NRXN2: variants seen among roughly 807,000 people sequenced by gnomAD.
NRXN2 encodes the protein neurexin 2.
Under a neutral mutation model 128.8 loss-of-function variants are expected in NRXN2, and 29 were observed. The ratio of observed to expected loss-of-function variants is 0.23; its 90% CI spans 0.17 to 0.31. The LOEUF (loss-of-function observed/expected upper bound fraction) is 0.31, where lower values mean the gene tolerates loss of function less well. Ranked by LOEUF, NRXN2 falls within the 10% of genes least tolerant of loss-of-function variation. NRXN2 has a pLI of 1.00. For synonymous variants in NRXN2, 1,098 were observed against 1,075.2 expected (o/e 1.02, Z -0.41); for missense variants, 1,881 against 2,452.6 (o/e 0.77, Z 4.92).
intron 3 of NRXN2, among the ~76,000 whole-genome samples, 168 bp downstream of exon 3, chr11:64,697,607 C>T (rs765893969): frequency 5.9e-5 from 9 of 152,074 alleles, no homozygotes; most frequent in South Asian, 2.1e-4. Flanking sequence ...GAAGAGGGGA[C>T]GCAAGAGAGT....
chr11:64,657,253 T>A (rs904460892), intron 11 of NRXN2, among the ~76,000 whole-genome samples: 1 of 152,190 alleles, frequency 6.6e-6, no homozygotes, highest in Admixed American at 6.5e-5. Context: ...TTGAAGTGAT[T>A]CACGTGGGCC....
At chr11:64,633,694 GTC>G (rs1274760820) in intron 18 of NRXN2, among the ~76,000 whole-genome samples, 4 of 152,182 alleles carry the variant, frequency 2.6e-5, no homozygotes, top group African/African-American at 9.6e-5. Context: ...ATGAGATCCA[GTC>G]TCTGTCTTCA....
intron 2 of NRXN2, among the ~76,000 whole-genome samples, chr11:64,702,019 C>G (rs1303262637): frequency 6.7e-6 from 1 of 148,310 alleles, no homozygotes; most frequent in South Asian, 2.1e-4. Flanking sequence ...GTCAGCCCCC[C>G]GCCTGGCCAG....
intron 17 of NRXN2, among the ~76,000 whole-genome samples, chr11:64,647,937 A>T (rs71579862): frequency 0.013 from 2,046 of 152,328 alleles, 26 homozygotes; most frequent in Middle Eastern, 0.041. Context: ...TTTTGGGTGA[A>T]GGGAGCAGGG....
intron 22 of NRXN2, among the ~76,000 whole-genome samples, chr11:64,614,020 G>C (rs2041080606): frequency 6.6e-6 from 1 of 152,086 alleles, no homozygotes; most frequent in Non-Finnish European, 1.5e-5. Context: ...AGAGACCAAG[G>C]AGGCAAGGAG....
chr11:64,712,935 GC>G, intron 2 of NRXN2, 34 bp downstream of exon 2: 1 of 1,488,848 alleles, frequency 6.7e-7, no homozygotes. Flanking sequence ...TCACCCCCGC[GC>G]CCAGGCACCG....
At position 64,609,327 on chromosome 11, in the gene NRXN2, T is replaced by C. The variant is rs77939620; in HGVS notation, c.4253-1245A>G. 1.7e-3 allele frequency among the ~76,000 whole-genome samples: 253 copies of C among 151,976 alleles called. 3 individuals carry two copies. The East Asian group carries it at 0.045, about 27-fold the overall frequency. Reference sequence around the variant, plus strand: ...TTGACTGCCTCTGGCCCTCTTATTATAGTTAAAACAATAACAAAACAACGG... The same window carrying C: ...TTGACTGCCTCTGGCCCTCTTATTACAGTTAAAACAATAACAAAACAACGG... On this transcript the variant is annotated intron_variant, in intron 22 of 22. Coordinates refer to ENST00000265459, the MANE Select transcript of NRXN2 (RefSeq NM_015080.4).
Position 64,630,632 on chromosome 11 carries a change from T to TACA in NRXN2, c.3586-60_3586-59insTGT. 6.3e-7 allele frequency: 1 copy of TACA among 1,593,954 alleles called. No individual in the cohort carries two copies. The highest frequency in any genetic ancestry group is 1.1e-5 in the South Asian group (1 of 90,198). Reference sequence around the variant, plus strand: ...GGGAGCAACCATTCATCCCTTCTAGTGGCTACTCCTGTGACCACCACTAGC... The same window carrying TACA: ...GGGAGCAACCATTCATCCCTTCTAGTACAGGCTACTCCTGTGACCACCACTAGC... On this transcript the variant is annotated intron_variant, in intron 18 of 22. Transcript: ENST00000265459. The surrounding 1 kb of genome is among the most constrained non-coding windows in gnomAD (Gnocchi z 4.6).
rs762593913 is a variant in NRXN2 at position 64,660,296 on chromosome 11, G to C, written c.2389+36C>G. Reference sequence around the variant, plus strand: ...CAGGTGTGGGTCAGAGACAAGGCCAGGTGAGGGGTCAGGAAGCACAGGGCA... The same window carrying C: ...CAGGTGTGGGTCAGAGACAAGGCCACGTGAGGGGTCAGGAAGCACAGGGCA... On this transcript the variant is annotated intron_variant, in intron 11 of 22. Coordinates refer to ENST00000265459, the MANE Select transcript of NRXN2 (RefSeq NM_015080.4). This position sits in a 1 kb window ranked among gnomAD's most constrained non-coding sequence, Gnocchi z 5.2. 5.0e-6 allele frequency: 8 copies of C among 1,606,016 alleles called. No homozygotes were observed. The Admixed American group carries it at 1.2e-4, about 23-fold the overall frequency.
intron 1 of NRXN2, among the ~76,000 whole-genome samples, chr11:64,716,973 C>A (rs906378137): frequency 3.9e-5 from 6 of 152,030 alleles, no homozygotes; most frequent in African/African-American, 1.5e-4. Context: ...AGGCTGCTGC[C>A]GACCCAGCCT....
At chr11:64,650,898 G>A (rs1351023459) in intron 14 of NRXN2, among the ~76,000 whole-genome samples, 1 of 152,122 alleles carries the variant, frequency 6.6e-6, no homozygotes. Flanking sequence ...AGAGGGGAGA[G>A]GTTTGTGGGT....
In NRXN2 at chr11:64,635,756, G is replaced by C. The variant is rs562653875; in HGVS notation, c.3404-304C>G. Among the ~76,000 whole-genome samples, 175 of 152,294 alleles carry C rather than the reference G, an allele frequency of 1.1e-3. No homozygotes were observed. The highest frequency in any genetic ancestry group is 1.6e-3 in the Non-Finnish European group (106 of 68,014). ...AGAGAGCCCAGAGAGAAGCTGTAAG[G>C]AGACTGAGAAGACAAGAGTGCTGTG... On this transcript the variant is annotated intron_variant, in intron 17 of 22. Coordinates refer to ENST00000265459, the MANE Select transcript of NRXN2 (RefSeq NM_015080.4). The surrounding 1 kb of genome is among the most constrained non-coding windows in gnomAD (Gnocchi z 4.8).
At chr11:64,705,761 G>A (rs2056179613) in intron 2 of NRXN2, among the ~76,000 whole-genome samples, 1 of 151,180 alleles carries the variant, frequency 6.6e-6, no homozygotes, top group African/African-American at 2.4e-5. Flanking sequence ...TCCCCTTCCT[G>A]GCATTCCCCT....
chr11:64,628,699 T>G (rs2043421190), intron 19 of NRXN2, among the ~76,000 whole-genome samples: 1 of 152,242 alleles, frequency 6.6e-6, no homozygotes, highest in Non-Finnish European at 1.5e-5. Flanking sequence ...CTACAAAGGT[T>G]GCCCTAGTAT....
intron 18 of NRXN2, among the ~76,000 whole-genome samples, chr11:64,633,791 G>A (rs1029453292): frequency 6.6e-5 from 10 of 151,930 alleles, no homozygotes; most frequent in African/African-American, 1.2e-4. Context: ...ACTGTCTTTC[G>A]CTTGCCAGCT....
rs150507759 is a variant in NRXN2 at position 64,650,466 on chromosome 11, G to C, written c.3091C>G (p.Arg1031Gly). 47 of 1,614,054 alleles carry C rather than the reference G, an allele frequency of 2.9e-5. No individual in the cohort carries two copies. Among genetic ancestry groups the C allele is most frequent in the African/African-American group, 4.0e-5 (3 of 74,920 alleles). Residue 1031 changes from arginine to glycine, a missense_variant, in exon 15 of 23, where the codon CGA becomes GGA. This residue lies in a region of NRXN2 where 390 missense variants were observed against 599.6 expected (regional missense o/e 0.65). Coordinates refer to ENST00000265459, the MANE Select transcript of NRXN2 (RefSeq NM_015080.4). The part of the protein sequence containing the change: ...RTVTQHSNGA[R>G]NLDLKGELYI... ...GCCCCACCTTTGAGATCGAGGTTTC[G>C]GGCGCCATTGGAGTGCTGCGTGACA...
At chr11:64,649,068 C>G (rs1591790414) in intron 15 of NRXN2, among the ~76,000 whole-genome samples, 161 bp from the exon 16 acceptor site, 1 of 152,140 alleles carries the variant, frequency 6.6e-6, no homozygotes, top group South Asian at 2.1e-4. Context: ...AACCCGCACC[C>G]CCCCAACACA....
At chr11:64,637,137 G>A (rs1464995839) in intron 17 of NRXN2, among the ~76,000 whole-genome samples, 1 of 151,876 alleles carries the variant, frequency 6.6e-6, no homozygotes, top group Non-Finnish European at 1.5e-5. Flanking sequence ...CAGAGTGAGA[G>A]GTGACCCTGG....
intron 9 of NRXN2, 31 bp from the exon 10 acceptor site, chr11:64,661,170 A>C (rs1239650486): frequency 6.2e-7 from 1 of 1,612,778 alleles, no homozygotes; most frequent in Non-Finnish European, 8.5e-7. Context: ...GGATGGAGAA[A>C]AGCCACAGGC....
Sources: allele counts gnomAD v4.1 joint callset (sites outside exome capture counted in the v4.1 genomes callset), GRCh38; gene constraint gnomAD v4.1.1; regional missense constraint gnomAD v4.1.1; non-coding constraint Gnocchi (gnomAD v3.1); transcripts MANE v1.5; gene names NCBI Gene and HGNC (gene_info 2026-07-23, HGNC 2026-07-21).